Variants in ADAM10 observed in about 807,000 individuals in gnomAD.
ADAM10 encodes disintegrin and metalloproteinase domain-containing protein 10.
ADAM10 carries 17 observed loss-of-function variants against 90.1 expected under a neutral mutation model. That is an observed-to-expected ratio of 0.19 (90% CI 0.13 to 0.28). ADAM10 has a LOEUF of 0.28. Ranked by LOEUF, ADAM10 falls within the 10% of genes least tolerant of loss-of-function variation. ADAM10 has a pLI of 1.00. For synonymous variants in ADAM10, 310 were observed against 298.6 expected, an observed-to-expected ratio of 1.04 and a Z score of -0.40; for missense variants, 610 against 914.3, an observed-to-expected ratio of 0.67 and a Z score of 4.29.
intron 5 of ADAM10, among the ~76,000 whole-genome samples, chr15:58,658,049 T>C (rs1407697915): frequency 6.6e-6 from 1 of 152,154 alleles, no homozygotes; most frequent in African/African-American, 2.4e-5. Context: ...ATGAAGTCAG[T>C]TTATACATGT....
intron 5 of ADAM10, among the ~76,000 whole-genome samples, chr15:58,653,555 G>A (rs1411122754): frequency 2.0e-5 from 3 of 151,934 alleles, no homozygotes; most frequent in African/African-American, 7.3e-5. Flanking sequence ...TGCATCCCTG[G>A]GATAAATACC....
At chr15:58,737,594 AT>A (rs1305168531) in intron 1 of ADAM10, among the ~76,000 whole-genome samples, 9 of 152,172 alleles carry the variant, frequency 5.9e-5, no homozygotes, top group Admixed American at 5.9e-4. Context: ...TCTCATAGAG[AT>A]GCTGTGAAGA....
intron 4 of ADAM10, among the ~76,000 whole-genome samples, chr15:58,673,379 T>C (rs1407512326): frequency 6.9e-6 from 1 of 145,978 alleles, no homozygotes; most frequent in Admixed American, 6.7e-5. Context: ...AATACCACTC[T>C]GTAATTGCCA....
intron 2 of ADAM10, among the ~76,000 whole-genome samples, chr15:58,704,328 A>T (rs1047655599): frequency 5.3e-5 from 8 of 152,304 alleles, no homozygotes; most frequent in Admixed American, 5.2e-4. Context: ...ATGGGGAGTC[A>T]CTGTTTAATG....
intron 14 of ADAM10, among the ~76,000 whole-genome samples, chr15:58,600,651 G>C (rs1895082692): frequency 6.6e-6 from 1 of 152,126 alleles, no homozygotes; most frequent in African/African-American, 2.4e-5. Flanking sequence ...AAATCAATTA[G>C]CCAAACAGAA....
intron 10 of ADAM10, among the ~76,000 whole-genome samples, chr15:58,625,083 T>C (rs564585812): frequency 3.4e-4 from 51 of 152,232 alleles, no homozygotes; most frequent in Non-Finnish European, 6.0e-4. Flanking sequence ...TTTTTGAAGA[T>C]TGAAGATGTA....
rs1190970040 is a variant in ADAM10 at position 58,592,907 on chromosome 15, C to G, written c.*4640G>C. ...TTTCATTATTAGGCTGAGGATTTTCCTAAGAATTGTTTAAAATTCTTTAGA... is the reference window on the plus strand; with the variant it reads ...TTTCATTATTAGGCTGAGGATTTTCGTAAGAATTGTTTAAAATTCTTTAGA... On this transcript the variant is annotated 3_prime_UTR_variant, in exon 16 of 16. Transcript: ENST00000260408. 6.7e-6 allele frequency: 1 copy of G among 150,068 alleles called. No individual in the cohort carries two copies. Among genetic ancestry groups the G allele is most frequent in the African/African-American group, 2.4e-5 (1 of 40,982 alleles). 9.3% of individuals were successfully genotyped at this position (150,068 alleles called of 1,614,324 possible). A position where few individuals can be genotyped will look rare whatever the true frequency, so the allele number is the denominator to read the frequency against.
chr15:58,635,838 T>C (rs568152618), intron 8 of ADAM10, among the ~76,000 whole-genome samples: 74 of 152,030 alleles, frequency 4.9e-4, no homozygotes, highest in African/African-American at 1.6e-3. Context: ...TCTGATAATA[T>C]ACATTTTTCT....
At chr15:58,599,852 A>C in intron 14 of ADAM10, 128 bp from the exon 15 acceptor site, 2 of 876,074 alleles carry the variant, frequency 2.3e-6, no homozygotes, top group Non-Finnish European at 3.5e-6. Flanking sequence ...TTTGTTTAGG[A>C]GTTGTATACA....
intron 1 of ADAM10, among the ~76,000 whole-genome samples, chr15:58,733,756 T>C (rs749655297): frequency 1.3e-5 from 2 of 152,166 alleles, no homozygotes; most frequent in Non-Finnish European, 2.9e-5. Flanking sequence ...CTGCTTTGCA[T>C]ATTTAAATCT....
chr15:58,610,702 A>C, intron 13 of ADAM10, 185 bp from the exon 14 acceptor site: 1 of 690,324 alleles, frequency 1.4e-6, no homozygotes, highest in South Asian at 1.7e-5. Flanking sequence ...GTTACAATGT[A>C]AACAAGCAAC....
At chr15:58,730,396 G>A (rs1408805035) in intron 1 of ADAM10, among the ~76,000 whole-genome samples, 2 of 152,180 alleles carry the variant, frequency 1.3e-5, no homozygotes, top group African/African-American at 2.4e-5. Context: ...TTCTATCTCT[G>A]CTTTCACACA....
chr15:58,645,659 G>T (rs1896527459), intron 6 of ADAM10, among the ~76,000 whole-genome samples: 1 of 152,108 alleles, frequency 6.6e-6, no homozygotes, highest in Non-Finnish European at 1.5e-5. Flanking sequence ...TTTAATGAGG[G>T]TTGAGAAGAC....
intron 5 of ADAM10, among the ~76,000 whole-genome samples, chr15:58,656,559 G>C (rs1464367241): frequency 6.6e-6 from 1 of 152,094 alleles, no homozygotes; most frequent in African/African-American, 2.4e-5. Context: ...GATGACAACA[G>C]TGATTGCATA....
At position 58,596,846 on chromosome 15, in the gene ADAM10, G is replaced by A. The variant is rs1894967321; in HGVS notation, c.*701C>T. 2 of 155,314 alleles carry A rather than the reference G, an allele frequency of 1.3e-5. No homozygotes were observed. The highest frequency in any genetic ancestry group is 2.9e-5 in the Non-Finnish European group (2 of 69,970). The allele number at this position is 155,314 out of a possible 1,614,324, so 9.6% of individuals were successfully genotyped here. On this transcript the variant is annotated 3_prime_UTR_variant, in exon 16 of 16. Coordinates refer to ENST00000260408, the MANE Select transcript of ADAM10 (RefSeq NM_001110.4). ...AGCAGCCATGTGATAAAGAAAAAAT[G>A]AGTATCAAAACCAACTCCATCGTAA...
chr15:58,693,375 C>G (rs926171179), intron 2 of ADAM10, among the ~76,000 whole-genome samples: 6 of 152,046 alleles, frequency 3.9e-5, no homozygotes, highest in Non-Finnish European at 5.9e-5. Context: ...GCACATGTAC[C>G]ATAAAGCTAC....
intron 11 of ADAM10, among the ~76,000 whole-genome samples, chr15:58,614,690 A>G (rs1330508418): frequency 1.3e-5 from 2 of 152,232 alleles, no homozygotes; most frequent in South Asian, 2.1e-4. Flanking sequence ...CCACACAAGC[A>G]AAAATAGGAA....
intron 10 of ADAM10, among the ~76,000 whole-genome samples, chr15:58,624,708 TTTTTTGTAGAGACAGGG>T (rs1895887040): frequency 6.6e-6 from 1 of 152,182 alleles, no homozygotes; most frequent in South Asian, 2.1e-4. Context: ...GATTTTTTAA[TTTTTTGTAGAGACAGGG>T]TTTCGCTACA....
At chr15:58,740,450 A>C (rs1252734225) in intron 1 of ADAM10, among the ~76,000 whole-genome samples, 1 of 152,170 alleles carries the variant, frequency 6.6e-6, no homozygotes, top group Non-Finnish European at 1.5e-5. Flanking sequence ...TCTATAAAAT[A>C]GAAAAAATAT....
Sources: allele counts gnomAD v4.1 joint callset (sites outside exome capture counted in the v4.1 genomes callset), GRCh38; gene constraint gnomAD v4.1.1; transcripts MANE v1.5; gene names NCBI Gene and HGNC (gene_info 2026-07-23, HGNC 2026-07-21).